NRG2: variants seen among roughly 807,000 people sequenced by gnomAD.
The protein encoded by NRG2 is neuregulin 2.
In NRG2, 27 loss-of-function variants were observed where a neutral mutation model predicts 73.9. That is an observed-to-expected ratio of 0.37 (90% confidence interval 0.27 to 0.50). The LOEUF (loss-of-function observed/expected upper bound fraction) is 0.50, where lower values mean the gene tolerates loss of function less well. NRG2 is among the 20% of genes least tolerant of loss of function. The pLI is 0.96. For missense variants in NRG2, 1,126 were observed against 1,210.1 expected (o/e 0.93, Z 1.03); for synonymous variants, 532 against 541.0 (o/e 0.98, Z 0.23).
chr5:139,929,964 T>G (rs1259085725), intron 1 of NRG2, among the ~76,000 whole-genome samples: 2 of 152,252 alleles, frequency 1.3e-5, no homozygotes, highest in African/African-American at 4.8e-5. Context: ...ACACCTCATT[T>G]GTCTGAATTC....
intron 1 of NRG2, among the ~76,000 whole-genome samples, chr5:140,038,569 G>A (rs1761680093): frequency 6.6e-6 from 1 of 152,226 alleles, no homozygotes; most frequent in Admixed American, 6.5e-5. Flanking sequence ...TCACAGGTCA[G>A]AGAGTTAAGA....
rs753599876 is a variant in NRG2 at position 139,865,210 on chromosome 5, G to A, written c.1189+339C>T. On this transcript the variant is annotated intron_variant, in intron 5 of 9. Transcript: ENST00000361474. The surrounding 1 kb of genome is among the most constrained non-coding windows in gnomAD (Gnocchi z 5.2). Reference sequence around the variant, plus strand: ...AAGAAAACCAGAAAGAGAGAGCCAGGATAGCAAGACACAGGCATTGCAACA... The same window carrying A: ...AAGAAAACCAGAAAGAGAGAGCCAGAATAGCAAGACACAGGCATTGCAACA... 3.2e-6 allele frequency: 5 copies of A among 1,575,750 alleles called. No homozygotes were observed. Among genetic ancestry groups the A allele is most frequent in the South Asian group, 2.2e-5 (2 of 90,122 alleles).
intron 1 of NRG2, among the ~76,000 whole-genome samples, chr5:139,998,064 A>T (rs1396453474): frequency 1.3e-5 from 2 of 152,182 alleles, no homozygotes; most frequent in Non-Finnish European, 2.9e-5. Flanking sequence ...TAGAACAAGG[A>T]ACAAAAATAC....
At chr5:139,995,468 T>C (rs1157870584) in intron 1 of NRG2, among the ~76,000 whole-genome samples, 2 of 152,196 alleles carry the variant, frequency 1.3e-5, no homozygotes, top group African/African-American at 2.4e-5. Context: ...CCCCAGATGC[T>C]GCATGCCTGA....
In NRG2 at chr5:139,851,782, C is replaced by T; in HGVS notation, c.1594G>A (p.Asp532Asn). The T allele has an allele frequency of 6.2e-7, 1 of 1,614,214 alleles. No individual in the cohort carries two copies. ...GATAGCATGATCCCCGACTGGGAGTCAGAAGTCAGGCTCTCAGAACGTTCC... is the reference window on the plus strand; with the variant it reads ...GATAGCATGATCCCCGACTGGGAGTTAGAAGTCAGGCTCTCAGAACGTTCC... ...SLERSESLTS[D>N]SQSGIMLSSV... is the part of the protein sequence containing the mutation. The change falls in exon 9 of 10, where the codon GAC becomes AAC. Residue 532 changes from aspartate to asparagine, a missense_variant. Transcript: ENST00000361474. This position sits in a 1 kb window ranked among gnomAD's most constrained non-coding sequence, Gnocchi z 4.2.
In NRG2 at chr5:139,868,839, G is replaced by A. The variant is rs1208938922; in HGVS notation, c.1112+2882C>T. Among the ~76,000 whole-genome samples the A allele has an allele frequency of 1.3e-5, 2 of 151,978 alleles. No homozygotes were observed. The highest frequency in any genetic ancestry group is 1.3e-4 in the Admixed American group (2 of 15,270). On this transcript the variant is annotated intron_variant, in intron 4 of 9. Coordinates refer to ENST00000361474, the MANE Select transcript of NRG2 (RefSeq NM_004883.3). This position sits in a 1 kb window ranked among gnomAD's most constrained non-coding sequence, Gnocchi z 4.2. ...GAGCAGGCAGATGGAGGTGGGATGG[G>A]GAATCACCTGGACATGGGTGGGGTA...
At chr5:140,016,428 A>T (rs1031771956) in intron 1 of NRG2, among the ~76,000 whole-genome samples, 19 of 152,198 alleles carry the variant, frequency 1.2e-4, no homozygotes, top group African/African-American at 4.3e-4. Context: ...TCTGCAATAC[A>T]CTTGCCTGAA....
intron 1 of NRG2, among the ~76,000 whole-genome samples, chr5:140,012,216 C>T (rs752370376): frequency 1.1e-5 from 1 of 87,014 alleles, no homozygotes; most frequent in Admixed American, 1.2e-4. Flanking sequence ...CTCTTTCCTC[C>T]AGAAAGATTC....
Position 140,043,235 on chromosome 5 carries a change from G to A in NRG2, c.-166C>T. On this transcript the variant is annotated 5_prime_UTR_variant, in exon 1 of 10. Coordinates refer to ENST00000361474, the MANE Select transcript of NRG2 (RefSeq NM_004883.3). This position sits in a 1 kb window ranked among gnomAD's most constrained non-coding sequence, Gnocchi z 6.7. The stretch of plus-strand genomic sequence containing the variant: ...AGGGCAGGGGGCAGGCGGCAAGCGG[G>A]CCGCGATGCGCAGCGCGGCGCAGCG... The A allele has an allele frequency of 3.0e-6, 2 of 674,474 alleles. No individual in the cohort carries two copies. Among genetic ancestry groups the A allele is most frequent in the Non-Finnish European group, 4.7e-6 (2 of 421,514 alleles). The allele number at this position is 674,474 out of a possible 1,614,324, so 41.8% of individuals were successfully genotyped here.
rs1327218694 is a variant in NRG2 at position 139,847,377 on chromosome 5, G to A, written c.*540C>T. Reference sequence around the variant, plus strand: ...GAAGTTACCCCAGCTCCAGCTCCAAGCCTAGGGTCCTGGCCCTCTCCTCCC... The same window carrying A: ...GAAGTTACCCCAGCTCCAGCTCCAAACCTAGGGTCCTGGCCCTCTCCTCCC... On this transcript the variant is annotated 3_prime_UTR_variant, in exon 10 of 10. Coordinates refer to ENST00000361474, the MANE Select transcript of NRG2 (RefSeq NM_004883.3). 1 of 151,820 alleles carries A rather than the reference G, an allele frequency of 6.6e-6. No individual in the cohort carries two copies. The highest frequency in any genetic ancestry group is 1.5e-5 in the Non-Finnish European group (1 of 68,130). The allele number at this position is 151,820 out of a possible 1,614,324, so 9.4% of individuals were successfully genotyped here.
At chr5:140,031,565 T>C (rs183968816) in intron 1 of NRG2, among the ~76,000 whole-genome samples, 5 of 152,324 alleles carry the variant, frequency 3.3e-5, no homozygotes, top group African/African-American at 1.2e-4. Flanking sequence ...GCAGCCTTGC[T>C]GTTTTCTCTC....
chr5:139,859,972 G>T, intron 5 of NRG2: 1 of 1,537,660 alleles, frequency 6.5e-7, no homozygotes, highest in Non-Finnish European at 9.0e-7. Context: ...AGACAGGTGG[G>T]TGGGGACAGG....
chr5:139,991,299 T>A (rs1020767766), intron 1 of NRG2, among the ~76,000 whole-genome samples: 3 of 151,992 alleles, frequency 2.0e-5, no homozygotes, highest in Non-Finnish European at 4.4e-5. Context: ...ATTCTCAATA[T>A]TAATATGGTC....
intron 1 of NRG2, among the ~76,000 whole-genome samples, chr5:139,892,846 A>T (rs1414510113): frequency 6.6e-6 from 1 of 152,150 alleles, no homozygotes; most frequent in African/African-American, 2.4e-5. Flanking sequence ...CAGCAAGCTG[A>T]TGGACTACTT....
At chr5:140,013,014 C>T (rs1759487013) in intron 1 of NRG2, among the ~76,000 whole-genome samples, 1 of 152,084 alleles carries the variant, frequency 6.6e-6, no homozygotes, top group Non-Finnish European at 1.5e-5. Flanking sequence ...TTCTATTCAC[C>T]CACCTACTCT....
At position 139,846,943 on chromosome 5, in the gene NRG2, G is replaced by C. The variant is rs897301331; in HGVS notation, c.*974C>G. ...AAATTAGCAGTGGACCCAGTTTTTG[G>C]GGGTGGGAGGGCAGGACTGGAGACG... On this transcript the variant is annotated 3_prime_UTR_variant, in exon 10 of 10. Coordinates refer to ENST00000361474, the MANE Select transcript of NRG2 (RefSeq NM_004883.3). 3.3e-5 allele frequency: 5 copies of C among 151,912 alleles called. No homozygotes were observed. Among genetic ancestry groups the C allele is most frequent in the African/African-American group, 4.8e-5 (2 of 41,290 alleles). The allele number at this position is 151,912 out of a possible 1,614,324, so 9.4% of individuals were successfully genotyped here.
At chr5:139,858,340 C>T (rs1489685948) in intron 5 of NRG2, among the ~76,000 whole-genome samples, 1 of 152,194 alleles carries the variant, frequency 6.6e-6, no homozygotes, top group Non-Finnish European at 1.5e-5. Flanking sequence ...CAGGGTTGGC[C>T]ACTTTTCATC....
rs1370884057 is a variant in NRG2, at chr5:139,853,508, C to T, written c.1293-481G>A. On this transcript the variant is annotated intron_variant, in intron 6 of 9. Transcript: ENST00000361474. This position sits in a 1 kb window ranked among gnomAD's most constrained non-coding sequence, Gnocchi z 4.1. ...GATAGGTAGATAGGGAATCCACCCT[C>T]CTGAAGCCTGCAGGCCAGTAGAGGA... Among the ~76,000 whole-genome samples the T allele has an allele frequency of 6.6e-6, 1 of 152,174 alleles. No homozygotes were observed. The highest frequency in any genetic ancestry group is 2.1e-4 in the South Asian group (1 of 4,820).
At chr5:139,976,882 G>A (rs1756417669) in intron 1 of NRG2, among the ~76,000 whole-genome samples, 1 of 152,208 alleles carries the variant, frequency 6.6e-6, no homozygotes, top group Non-Finnish European at 1.5e-5. Flanking sequence ...ATGGGAGTGA[G>A]AGAGCCCATA....
Sources: allele counts gnomAD v4.1 joint callset (sites outside exome capture counted in the v4.1 genomes callset), GRCh38; gene constraint gnomAD v4.1.1; non-coding constraint Gnocchi (gnomAD v3.1); transcripts MANE v1.5; gene names NCBI Gene and HGNC (gene_info 2026-07-23, HGNC 2026-07-21).